ASAP1: variants seen among roughly 807,000 people sequenced by gnomAD.
ASAP1 encodes the protein arf-GAP with SH3 domain, ANK repeat and PH domain-containing protein 1.
A neutral mutation model predicts 145.2 loss-of-function variants in ASAP1; 43 were observed. That is an observed-to-expected ratio of 0.30 (90% CI 0.23 to 0.38). The LOEUF is 0.38. Ranked by LOEUF, ASAP1 falls within the 10% of genes least tolerant of loss-of-function variation. The pLI is 1.00. For synonymous variants in ASAP1, 546 were observed against 515.5 expected (o/e 1.06, Z -0.80); for missense variants, 1,018 against 1,355.3 (o/e 0.75, Z 3.91).
chr8:130,149,865 G>A (rs2097642043), intron 13 of ASAP1, among the ~76,000 whole-genome samples: 1 of 152,144 alleles, frequency 6.6e-6, no homozygotes, highest in Non-Finnish European at 1.5e-5. Flanking sequence ...AAAAGGTCTG[G>A]GCCAAAGCCA....
chr8:130,217,537 T>TACACACACACACACAC (rs71302402), intron 4 of ASAP1, among the ~76,000 whole-genome samples: 2,099 of 148,926 alleles, frequency 0.014, 28 homozygotes, highest in East Asian at 0.044. Flanking sequence ...TGTATATATG[T>TACACACACACACACAC]ACACACACAC....
Position 130,111,979 on chromosome 8 carries a change from G to A in ASAP1, c.2401+115C>T, listed in dbSNP as rs1403131090. 5.0e-6 allele frequency: 5 copies of A among 995,470 alleles called. No individual in the cohort carries two copies. The East Asian group carries it at 7.2e-5, about 14-fold the overall frequency. 61.7% of individuals were successfully genotyped at this position (995,470 alleles called of 1,614,324 possible). ...AGCTGCTCCTGACAACACGATCCGCGCCACTCAAATGTACCTTGCAATTCT... is the reference window on the plus strand; with the variant it reads ...AGCTGCTCCTGACAACACGATCCGCACCACTCAAATGTACCTTGCAATTCT... On this transcript the variant is annotated intron_variant, in intron 24 of 29. Transcript: ENST00000518721.
intron 3 of ASAP1, among the ~76,000 whole-genome samples, chr8:130,295,931 A>T (rs16893272): frequency 0.02 from 3,066 of 152,328 alleles, 98 homozygotes; most frequent in African/African-American, 0.068. Context: ...ATGATATCCC[A>T]TCATCTTTGC....
chr8:130,367,090 C>T (rs970705515), intron 2 of ASAP1, among the ~76,000 whole-genome samples: 2 of 151,764 alleles, frequency 1.3e-5, no homozygotes, highest in Non-Finnish European at 2.9e-5. Flanking sequence ...CGGGGTTTCA[C>T]CATGCTGGCC....
At chr8:130,412,020 T>C (rs1385280626) in intron 1 of ASAP1, among the ~76,000 whole-genome samples, 1 of 152,172 alleles carries the variant, frequency 6.6e-6, no homozygotes, top group Non-Finnish European at 1.5e-5. Context: ...GCTCACCAGG[T>C]ACCACGCAGG....
At chr8:130,259,746 A>G (rs1430604536) in intron 3 of ASAP1, among the ~76,000 whole-genome samples, 1 of 152,212 alleles carries the variant, frequency 6.6e-6, no homozygotes, top group Non-Finnish European at 1.5e-5. Context: ...AGTGTGTGCA[A>G]TTCTACAATG....
At chr8:130,359,100 C>A (rs1180412685) in intron 2 of ASAP1, among the ~76,000 whole-genome samples, 2 of 152,170 alleles carry the variant, frequency 1.3e-5, no homozygotes. Context: ...TGCTCCTCAC[C>A]GCTTACAGGC....
chr8:130,066,908 A>G (rs1196591875), intron 27 of ASAP1, among the ~76,000 whole-genome samples: 1 of 152,170 alleles, frequency 6.6e-6, no homozygotes, highest in Non-Finnish European at 1.5e-5. Context: ...GGGTCTGGGT[A>G]CAGGCCCTTT....
chr8:130,165,358 A>C (rs780406235), intron 11 of ASAP1, among the ~76,000 whole-genome samples: 13 of 152,020 alleles, frequency 8.6e-5, no homozygotes, highest in Non-Finnish European at 1.2e-4. Flanking sequence ...AAAAAACCCC[A>C]AAAAACCTCA....
At chr8:130,057,811 G>T in intron 29 of ASAP1, 143 bp downstream of exon 29, 1 of 1,053,204 alleles carries the variant, frequency 9.5e-7, no homozygotes, top group Non-Finnish European at 1.4e-6. Context: ...CAAATGCAAT[G>T]GCTGTTGGGT....
chr8:130,144,926 T>A (rs2097624011), intron 13 of ASAP1, among the ~76,000 whole-genome samples: 1 of 152,218 alleles, frequency 6.6e-6, no homozygotes, highest in Admixed American at 6.5e-5. Context: ...AAGAAAATGT[T>A]TTTTATTGCA....
chr8:130,093,829 A>T (rs1052684987), intron 24 of ASAP1, among the ~76,000 whole-genome samples: 3 of 151,994 alleles, frequency 2.0e-5, no homozygotes, highest in African/African-American at 7.2e-5. Flanking sequence ...TTTCCTTGGT[A>T]CAAAGTAAGC....
At chr8:130,201,501 A>G (rs183386715) in intron 5 of ASAP1, among the ~76,000 whole-genome samples, 6 of 152,376 alleles carry the variant, frequency 3.9e-5, no homozygotes, top group African/African-American at 4.8e-5. Context: ...AATTTAGTAA[A>G]TGGTGGGTTA....
intron 3 of ASAP1, among the ~76,000 whole-genome samples, chr8:130,301,852 G>C (rs974614278): frequency 1.3e-5 from 2 of 152,178 alleles, no homozygotes; most frequent in African/African-American, 4.8e-5. Flanking sequence ...TACCACTAAG[G>C]ATGTCTCATT....
Position 130,071,873 on chromosome 8 carries a change from T to C in ASAP1, c.2701+4475A>G, listed in dbSNP as rs558725065. Among the ~76,000 whole-genome samples, 5 of 152,328 alleles carry C rather than the reference T, an allele frequency of 3.3e-5. No homozygotes were observed. In the South Asian group the frequency reaches 1.0e-3, roughly 32 times the overall value. ...GTTTTTTGATATAAAGGATCCACAG[T>C]AGAAAACCAGGGAGTAGGCTGTGGT... On this transcript the variant is annotated intron_variant, in intron 27 of 29. Coordinates refer to ENST00000518721, the MANE Select transcript of ASAP1 (RefSeq NM_018482.4).
At chr8:130,114,769 ATTTTTT>A (rs60433249) in intron 23 of ASAP1, among the ~76,000 whole-genome samples, 5 of 134,932 alleles carry the variant, frequency 3.7e-5, no homozygotes, top group East Asian at 2.1e-4. Flanking sequence ...TTGAAGGTTA[ATTTTTT>A]TTTTTTTTTT....
At chr8:130,180,990 T>C (rs1187697365) in intron 7 of ASAP1, 110 bp from the exon 8 acceptor site, 1 of 968,250 alleles carries the variant, frequency 1.0e-6, no homozygotes, top group Non-Finnish European at 1.5e-6. Context: ...TGTGTCTATG[T>C]AGGTTCATCA....
intron 1 of ASAP1, among the ~76,000 whole-genome samples, chr8:130,416,473 C>G (rs76011355): frequency 0.013 from 2,022 of 152,286 alleles, 53 homozygotes; most frequent in East Asian, 0.066. Flanking sequence ...TCCCAGCTGC[C>G]GACCAGTCAA....
intron 5 of ASAP1, among the ~76,000 whole-genome samples, chr8:130,200,982 T>A (rs535204814): frequency 2.0e-5 from 3 of 152,354 alleles, no homozygotes; most frequent in Admixed American, 2.0e-4. Context: ...TCCTTCCTAG[T>A]GGTTCTCAAA....
Sources: gnomAD v4.1 joint callset for allele counts (sites outside exome capture counted in the v4.1 genomes callset) on GRCh38, gnomAD v4.1.1 for gene constraint, MANE v1.5 for transcripts, NCBI Gene and HGNC (gene_info 2026-07-23, HGNC 2026-07-21) for gene names.